The following HMGA2 variants were observed in gnomAD, a reference collection of about 807,000 sequenced individuals.
The protein encoded by HMGA2 is high mobility group AT-hook 2.
Under a neutral mutation model 19.1 loss-of-function variants are expected in HMGA2, and 8 were observed. The ratio of observed to expected loss-of-function variants is 0.42; its 90% CI spans 0.25 to 0.76. The LOEUF (loss-of-function observed/expected upper bound fraction) is 0.76. HMGA2 is among the 30% of genes least tolerant of loss of function. The probability of loss-of-function intolerance (pLI) is 0.28; values close to 1 mark genes in which losing one functional copy is unlikely to be tolerated. For synonymous variants in HMGA2, 60 were observed against 48.8 expected (o/e 1.23, Z -0.96); for missense variants, 109 against 136.3 (o/e 0.80, Z 1.00).
chr12:65,872,977 G>T (rs1484359754), intron 3 of HMGA2, among the ~76,000 whole-genome samples: 1 of 152,248 alleles, frequency 6.6e-6, no homozygotes, highest in South Asian at 2.1e-4. Context: ...TTTCACATCT[G>T]TGCTCTGGTT....
rs1241655098 is a variant in HMGA2 at position 65,825,212 on chromosome 12, A to G, written c.-59A>G. 1.1e-5 allele frequency: 16 copies of G among 1,417,328 alleles called. No homozygotes were observed. The highest frequency in any genetic ancestry group is 1.4e-5 in the Non-Finnish European group (15 of 1,049,206). The allele number at this position is 1,417,328 out of a possible 1,614,324, so 87.8% of individuals were successfully genotyped here. On this transcript the variant is annotated 5_prime_UTR_variant, in exon 1 of 5. Transcript: ENST00000403681. The surrounding 1 kb of genome is among the most constrained non-coding windows in gnomAD (Gnocchi z 4.4). ...CCTCATCTCCCGAAAGGTGCTGGGC[A>G]GCTCCGGGGCGGTCGAGGCGAAGCG... is the stretch of plus-strand genomic sequence containing the variant.
chr12:65,955,500 C>T (rs1290712520), intron 4 of HMGA2: 1 of 152,146 alleles, frequency 6.6e-6, no homozygotes, highest in African/African-American at 2.4e-5. Context: ...TGAAGGGACT[C>T]CCTAAATGTA....
At chr12:65,838,417 A>C in intron 2 of HMGA2, 102 bp from the exon 3 acceptor site, 1 of 849,246 alleles carries the variant, frequency 1.2e-6, no homozygotes, top group Non-Finnish European at 1.9e-6. Flanking sequence ...CCGATACGTC[A>C]TCTGCAAAGC....
At chr12:65,904,868 C>G (rs1307389450) in intron 3 of HMGA2, among the ~76,000 whole-genome samples, 3 of 151,826 alleles carry the variant, frequency 2.0e-5, no homozygotes, top group Non-Finnish European at 4.4e-5. Flanking sequence ...ATGGTGAAAC[C>G]CCATCTCTAC....
intron 3 of HMGA2, among the ~76,000 whole-genome samples, chr12:65,909,391 T>C (rs1874744465): frequency 6.6e-6 from 1 of 152,224 alleles, no homozygotes; most frequent in Non-Finnish European, 1.5e-5. Flanking sequence ...TAATCTCTGA[T>C]TTATTCCTGT....
intron 3 of HMGA2, among the ~76,000 whole-genome samples, chr12:65,947,068 C>A (rs556338292): frequency 1.3e-5 from 2 of 152,112 alleles, no homozygotes; most frequent in African/African-American, 4.8e-5. Context: ...TTAGAAAGAG[C>A]CCTTTTAAGC....
At chr12:65,854,190 T>C (rs1161212328) in intron 3 of HMGA2, among the ~76,000 whole-genome samples, 2 of 152,226 alleles carry the variant, frequency 1.3e-5, no homozygotes, top group African/African-American at 2.4e-5. Context: ...AGGAAGTCCC[T>C]CCACATTTTC....
chr12:65,936,354 T>C (rs1875894329), intron 3 of HMGA2, among the ~76,000 whole-genome samples: 1 of 152,146 alleles, frequency 6.6e-6, no homozygotes, highest in Non-Finnish European at 1.5e-5. Context: ...CTATGAACTC[T>C]GCGTCACACA....
chr12:65,929,103 T>G (rs1875618090), intron 3 of HMGA2, among the ~76,000 whole-genome samples: 1 of 152,180 alleles, frequency 6.6e-6, no homozygotes, highest in Non-Finnish European at 1.5e-5. Context: ...TTTGTATAGG[T>G]GTTTGGATAC....
chr12:65,909,502 T>A (rs1874748766), intron 3 of HMGA2, among the ~76,000 whole-genome samples: 1 of 152,098 alleles, frequency 6.6e-6, no homozygotes. Flanking sequence ...ATGCTATTAT[T>A]CTCTCAGGCT....
chr12:65,908,129 A>T (rs1874683464), intron 3 of HMGA2, among the ~76,000 whole-genome samples: 1 of 152,170 alleles, frequency 6.6e-6, no homozygotes, highest in Non-Finnish European at 1.5e-5. Flanking sequence ...AATTTGGTAT[A>T]ATTTTGTTGA....
chr12:65,957,656 A>T (rs1876641273), intron 4 of HMGA2: 1 of 152,208 alleles, frequency 6.6e-6, no homozygotes, highest in African/African-American at 2.4e-5. Flanking sequence ...ATTAGTTTAT[A>T]CCTAAAATGA....
intron 3 of HMGA2, among the ~76,000 whole-genome samples, chr12:65,892,784 G>A (rs1261254309): frequency 1.3e-5 from 2 of 152,108 alleles, no homozygotes; most frequent in African/African-American, 2.4e-5. Flanking sequence ...TAAAACTAGA[G>A]CTGGCCAGCT....
At chr12:65,960,793 CTATCCACATTGTCT>C (rs1395143609) in intron 4 of HMGA2, among the ~76,000 whole-genome samples, 3 of 152,218 alleles carry the variant, frequency 2.0e-5, no homozygotes, top group Admixed American at 6.5e-5. Flanking sequence ...AATAAAACAA[CTATCCACATTGTCT>C]TATCCACATT....
chr12:65,845,613 C>T (rs968782370), intron 3 of HMGA2, among the ~76,000 whole-genome samples: 7 of 152,090 alleles, frequency 4.6e-5, no homozygotes, highest in Admixed American at 6.5e-5. Flanking sequence ...ATTCTAAACT[C>T]TTCAATACTT....
chr12:65,871,097 A>G (rs1872688774), intron 3 of HMGA2, among the ~76,000 whole-genome samples: 1 of 152,232 alleles, frequency 6.6e-6, no homozygotes, highest in African/African-American at 2.4e-5. Flanking sequence ...CCAATGCATC[A>G]TAATTACTTG....
At chr12:65,843,860 C>A (rs960982851) in intron 3 of HMGA2, among the ~76,000 whole-genome samples, 3 of 151,980 alleles carry the variant, frequency 2.0e-5, no homozygotes, top group Non-Finnish European at 2.9e-5. Context: ...ACCAGCCTGG[C>A]CAACATGGTG....
intron 3 of HMGA2, among the ~76,000 whole-genome samples, chr12:65,854,877 G>T (rs1223426098): frequency 6.6e-6 from 1 of 152,174 alleles, no homozygotes; most frequent in Non-Finnish European, 1.5e-5. Flanking sequence ...CATGGTTCCT[G>T]TCTTTGGCTG....
At chr12:65,960,782 T>G (rs1876731307) in intron 4 of HMGA2, among the ~76,000 whole-genome samples, 2 of 152,208 alleles carry the variant, frequency 1.3e-5, no homozygotes, top group Non-Finnish European at 2.9e-5. Flanking sequence ...AAAGATACAT[T>G]AATAAAACAA....
Sources: gnomAD v4.1 joint callset for allele counts (sites outside exome capture counted in the v4.1 genomes callset) on GRCh38, gnomAD v4.1.1 for gene constraint, Gnocchi (gnomAD v3.1) non-coding constraint, MANE v1.5 for transcripts, NCBI Gene and HGNC (gene_info 2026-07-23, HGNC 2026-07-21) for gene names.